The following GPR89B variants were observed in gnomAD, a reference collection of about 807,000 sequenced individuals.
The protein encoded by GPR89B is G protein-coupled receptor 89B.
GPR89B carries 25 observed loss-of-function variants against 52.4 expected under a neutral mutation model. The observed-to-expected ratio is 0.48, with a 90% CI of 0.35 to 0.67. The LOEUF is 0.67. GPR89B is among the 30% of genes least tolerant of loss of function. The pLI is 0.01. For synonymous variants in GPR89B, 52 were observed against 151.2 expected (o/e 0.34, Z 4.81); for missense variants, 146 against 450.2 (o/e 0.32, Z 6.11).
intron 5 of GPR89B, among the ~76,000 whole-genome samples, chr1:147,947,149 A>T (rs1553249923): frequency 6.6e-6 from 1 of 152,116 alleles, no homozygotes; most frequent in Non-Finnish European, 1.5e-5. Flanking sequence ...AGCCTGGCCA[A>T]CATGGCAAAA....
Position 147,943,619 on chromosome 1 carries a change from C to T in GPR89B, c.313+75C>T, listed in dbSNP as rs1200003812. 3 of 1,471,984 alleles carry T rather than the reference C, an allele frequency of 2.0e-6. No homozygotes were observed. The African/African-American group carries it at 4.2e-5, about 21-fold the overall frequency. 91.2% of individuals were successfully genotyped at this position (1,471,984 alleles called of 1,614,324 possible). On this transcript the variant is annotated intron_variant, in intron 4 of 13. Transcript: ENST00000314163. ...AGGGGACTTAAATTGTGGATAGCTT[C>T]ATTTCTACATTAACTTTCAGTATCT...
chr1:148,009,657 A>G, the GPR89B span: 1 of 729,888 alleles, frequency 1.4e-6, no homozygotes, highest in Non-Finnish European at 2.3e-6. Flanking sequence ...GGAAATGCTG[A>G]CCATCTGGCT....
intron 3 of GPR89B, among the ~76,000 whole-genome samples, chr1:147,942,620 A>C (rs2149043645): frequency 6.7e-6 from 1 of 148,916 alleles, no homozygotes; most frequent in Middle Eastern, 3.4e-3. Context: ...AATATTGTTC[A>C]ACCATAAAAG....
intron 5 of GPR89B, among the ~76,000 whole-genome samples, chr1:147,948,499 G>A (rs1405964047): frequency 2.0e-5 from 3 of 151,418 alleles, no homozygotes; most frequent in African/African-American, 7.3e-5. Flanking sequence ...CAAATCAGGA[G>A]CTTAGGGAAA....
the GPR89B span, among the ~76,000 whole-genome samples, chr1:148,017,344 T>C: frequency 6.6e-6 from 1 of 151,506 alleles, no homozygotes; most frequent in South Asian, 2.1e-4. Context: ...GCCCGGCCTA[T>C]ACACAAACTT....
rs587767334 is a variant in GPR89B at position 147,934,700 on chromosome 1, T to C, written c.43-1927T>C. Among the ~76,000 whole-genome samples the C allele has an allele frequency of 2.4e-3, 363 of 152,256 alleles. 4 individuals are homozygous for C. Among genetic ancestry groups the C allele is most frequent in the African/African-American group, 8.4e-3 (350 of 41,526 alleles). ...AGATTGGTTTGGTCTCCCTCTTTCA[T>C]ATTGTTTTACAATATCATGTATGTA... On this transcript the variant is annotated intron_variant, in intron 1 of 13. Coordinates refer to ENST00000314163, the MANE Select transcript of GPR89B (RefSeq NM_016334.5).
chr1:148,002,202 G>C, the GPR89B span, among the ~76,000 whole-genome samples: 1 of 151,984 alleles, frequency 6.6e-6, no homozygotes, highest in Non-Finnish European at 1.5e-5. Context: ...TTACCTGTTA[G>C]TGGAGCAACA....
Position 147,949,860 on chromosome 1 carries a change from C to T in GPR89B, c.416-3485C>T, listed in dbSNP as rs1290747494. ...CCGGGCAGAGGGGCTCCTCACTTCC[C>T]AGTAGGGGCGGCCGGGCAGAGGCGC... On this transcript the variant is annotated intron_variant, in intron 5 of 13. Coordinates refer to ENST00000314163, the MANE Select transcript of GPR89B (RefSeq NM_016334.5). Among the ~76,000 whole-genome samples, 3 of 141,462 alleles carry T rather than the reference C, an allele frequency of 2.1e-5. No homozygotes were observed. The East Asian group carries it at 6.6e-4, about 31-fold the overall frequency. 92.8% of individuals were successfully genotyped at this position (141,462 alleles called of 152,430 possible).
chr1:147,935,674 A>T (rs2149035679), intron 1 of GPR89B, among the ~76,000 whole-genome samples: 1 of 152,320 alleles, frequency 6.6e-6, no homozygotes, highest in African/African-American at 2.4e-5. Flanking sequence ...TAGGCTTTCT[A>T]CTACTCCTCT....
chr1:147,949,697 C>T (rs1178439362), intron 5 of GPR89B, among the ~76,000 whole-genome samples: 4 of 136,430 alleles, frequency 2.9e-5, no homozygotes, highest in Middle Eastern at 9.1e-3. Context: ...CCTTCGCGGA[C>T]GGGGCAGCTG....
intron 12 of GPR89B, among the ~76,000 whole-genome samples, chr1:147,991,658 G>T (rs1208476032): frequency 2.0e-5 from 3 of 152,108 alleles, no homozygotes; most frequent in Non-Finnish European, 4.4e-5. Context: ...TAGCATGAAG[G>T]GCTGTTGAAT....
chr1:148,014,845 C>G, the GPR89B span: 12 of 151,990 alleles, frequency 7.9e-5, no homozygotes, highest in African/African-American at 2.4e-4. Context: ...CCTGAGCTTA[C>G]AGTGGACGAG....
chr1:148,017,611 A>T, the GPR89B span, among the ~76,000 whole-genome samples: 1,584 of 149,228 alleles, frequency 0.011, 51 homozygotes, highest in African/African-American at 0.037. Context: ...GGTGGCGGGC[A>T]CCTGTAGTCC....
the GPR89B span, among the ~76,000 whole-genome samples, chr1:148,021,584 A>G: frequency 6.6e-6 from 1 of 151,340 alleles, no homozygotes; most frequent in Admixed American, 6.6e-5. Flanking sequence ...GTGAGGAGGA[A>G]CCCGAGTGCA....
chr1:147,987,820 A>C (rs1427383799), intron 11 of GPR89B, among the ~76,000 whole-genome samples: 1 of 150,570 alleles, frequency 6.6e-6, no homozygotes, highest in Non-Finnish European at 1.5e-5. Flanking sequence ...AAAAGGTATC[A>C]TGTGGTTCCA....
intron 10 of GPR89B, among the ~76,000 whole-genome samples, chr1:147,985,593 A>G (rs1658604831): frequency 6.6e-6 from 1 of 151,568 alleles, no homozygotes; most frequent in Non-Finnish European, 1.5e-5. Context: ...TTGCTCACCT[A>G]TAATGCAGAC....
At chr1:147,991,057 A>G (rs1659029892) in intron 12 of GPR89B, among the ~76,000 whole-genome samples, 1 of 150,896 alleles carries the variant, frequency 6.6e-6, no homozygotes, top group African/African-American at 2.5e-5. Flanking sequence ...CATTTTCATG[A>G]TATTGATTCT....
chr1:148,020,807 C>G, the GPR89B span, among the ~76,000 whole-genome samples: 1 of 151,882 alleles, frequency 6.6e-6, no homozygotes, highest in Non-Finnish European at 1.5e-5. Flanking sequence ...CATGCCTCAG[C>G]CTCCCAGGTA....
At position 147,986,250 on chromosome 1, in the gene GPR89B, A is replaced by G. The variant is rs1435749018; in HGVS notation, c.961A>G (p.Arg321Gly). ...AGTTGGGAAAACGGATCCTGTCACA[A>G]GAGGCATTGAGATCACTGTGAATTA... ...DRVGKTDPVT[R>G]GIEITVNYLG... Residue 321 changes from arginine to glycine, a missense_variant, in exon 11 of 14, where the codon AGA (arginine) becomes GGA (glycine). Physicochemically the swap from Arg to Gly is moderately radical, Grantham distance 125. Coordinates refer to ENST00000314163, the MANE Select transcript of GPR89B (RefSeq NM_016334.5). The G allele has an allele frequency of 1.2e-6, 2 of 1,611,480 alleles. No individual in the cohort carries two copies. The highest frequency in any genetic ancestry group is 2.7e-5 in the African/African-American group (2 of 74,812).
Sources: allele counts gnomAD v4.1 joint callset (sites outside exome capture counted in the v4.1 genomes callset), GRCh38; gene constraint gnomAD v4.1.1; transcripts MANE v1.5; gene names NCBI Gene and HGNC (gene_info 2026-07-23, HGNC 2026-07-21).